Variants in BLOC1S6 observed in about 807,000 individuals in gnomAD.
BLOC1S6 encodes biogenesis of lysosome-related organelles complex 1 subunit 6.
Under a neutral mutation model 24.7 loss-of-function variants are expected in BLOC1S6, and 24 were observed. The ratio of observed to expected loss-of-function variants is 0.97; its 90% CI spans 0.70 to 1.37. The LOEUF (loss-of-function observed/expected upper bound fraction) is 1.37. Ranked by LOEUF, BLOC1S6 falls within the 40% of genes most tolerant of loss-of-function variation. The probability of loss-of-function intolerance (pLI) is 0.00; values close to 1 mark genes in which losing one functional copy is unlikely to be tolerated. For missense variants in BLOC1S6, 175 were observed against 196.2 expected (o/e 0.89, Z 0.64); for synonymous variants, 76 against 72.6 (o/e 1.05, Z -0.23).
intron 2 of BLOC1S6, among the ~76,000 whole-genome samples, chr15:45,596,355 A>G: frequency 6.6e-6 from 1 of 151,476 alleles, no homozygotes; most frequent in East Asian, 2.0e-4. Flanking sequence ...ACACCACCAC[A>G]CCTGGCTGAT....
chr15:45,597,489 TGA>T (rs925632942), intron 2 of BLOC1S6, among the ~76,000 whole-genome samples: 2 of 152,050 alleles, frequency 1.3e-5, no homozygotes, highest in Non-Finnish European at 2.9e-5. Flanking sequence ...CAACAACAGT[TGA>T]GTCTTTTAAT....
chr15:45,600,946 CTG>C (rs1264614264), intron 2 of BLOC1S6, among the ~76,000 whole-genome samples: 4 of 152,268 alleles, frequency 2.6e-5, no homozygotes, highest in African/African-American at 7.2e-5. Flanking sequence ...AGAGTTTTGA[CTG>C]TGACTTATCA....
At position 45,609,660 on chromosome 15, in the gene BLOC1S6, G is replaced by A. The variant is rs1894609507; in HGVS notation, c.*3146G>A. On this transcript the variant is annotated 3_prime_UTR_variant, in exon 5 of 5. Transcript: ENST00000220531. ...CATACATTCGTCTGATTTTGAGCTT[G>A]TAAGATGAGAACTGCTTTTTACACA... is the stretch of plus-strand genomic sequence containing the variant. 1 of 152,114 alleles carries A rather than the reference G, an allele frequency of 6.6e-6. No homozygotes were observed. The highest frequency in any genetic ancestry group is 2.1e-4 in the South Asian group (1 of 4,824). The allele number at this position is 152,114 out of a possible 1,614,324, so 9.4% of individuals were successfully genotyped here.
At chr15:45,604,983 G>T (rs1894398484) in intron 3 of BLOC1S6, among the ~76,000 whole-genome samples, 1 of 152,184 alleles carries the variant, frequency 6.6e-6, no homozygotes, top group African/African-American at 2.4e-5. Flanking sequence ...TCTGTCCAGG[G>T]CTCTGTGGCC....
chr15:45,602,052 TTG>T (rs548467728), intron 2 of BLOC1S6, among the ~76,000 whole-genome samples: 4 of 151,852 alleles, frequency 2.6e-5, no homozygotes, highest in South Asian at 2.1e-4. Context: ...AGCTCATTTT[TTG>T]TGTGTGTGTG....
rs1372050477 is a variant in BLOC1S6 at position 45,587,830 on chromosome 15, T to TG, written c.82+310dup. ...TTGGTTATTTGTCATACGGCAGTGG[T>TG]GGGGGATGGATTTACCAGAAAGATG... On this transcript the variant is annotated intron_variant, in intron 1 of 4. Transcript: ENST00000220531. 71 of 693,482 alleles carry TG rather than the reference T, an allele frequency of 1.0e-4. 1 individual carries two copies. The East Asian group carries it at 1.9e-3, about 19-fold the overall frequency. 43.0% of individuals were successfully genotyped at this position (693,482 alleles called of 1,614,324 possible). A position where few individuals can be genotyped will look rare whatever the true frequency, so the allele number is the denominator to read the frequency against.
intron 2 of BLOC1S6, among the ~76,000 whole-genome samples, chr15:45,596,794 A>G (rs1894094142): frequency 6.6e-6 from 1 of 151,538 alleles, no homozygotes; most frequent in Admixed American, 6.6e-5. Context: ...CTTGCACCTC[A>G]GCCTCCCAAG....
intron 1 of BLOC1S6, chr15:45,587,899 C>A: frequency 3.2e-6 from 2 of 624,582 alleles, no homozygotes; most frequent in Middle Eastern, 2.6e-4. Flanking sequence ...ATAATATTGA[C>A]CACTCATGAA....
At position 45,606,576 on chromosome 15, in the gene BLOC1S6, A is replaced by G; in HGVS notation, c.*62A>G. On this transcript the variant is annotated 3_prime_UTR_variant, in exon 5 of 5. Coordinates refer to ENST00000220531, the MANE Select transcript of BLOC1S6 (RefSeq NM_012388.4). Reference sequence around the variant, plus strand: ...ATTTGGGTTATGATGACTCAAGTGTAGACTGAAGTTGAGGTAGTGCCTTAT... The same window carrying G: ...ATTTGGGTTATGATGACTCAAGTGTGGACTGAAGTTGAGGTAGTGCCTTAT... 6.2e-7 allele frequency: 1 copy of G among 1,610,936 alleles called. No individual in the cohort carries two copies. Among genetic ancestry groups the G allele is most frequent in the South Asian group, 1.1e-5 (1 of 91,004 alleles).
intron 4 of BLOC1S6, chr15:45,605,875 C>T: frequency 3.5e-6 from 1 of 283,600 alleles, no homozygotes; most frequent in Non-Finnish European, 6.8e-6. Flanking sequence ...CAGGCGTGAG[C>T]CACTGTGCCC....
At chr15:45,589,202 T>A (rs1469313524) in intron 1 of BLOC1S6, among the ~76,000 whole-genome samples, 1 of 152,200 alleles carries the variant, frequency 6.6e-6, no homozygotes, top group Admixed American at 6.5e-5. Context: ...TATATGTTGG[T>A]ATGGAAAGAT....
At position 45,606,544 on chromosome 15, in the gene BLOC1S6, G is replaced by C. The variant is rs750850260; in HGVS notation, c.*30G>C. On this transcript the variant is annotated 3_prime_UTR_variant, in exon 5 of 5. Transcript: ENST00000220531. ...TTGTGTTTGTGTGTTTTCTTCTCCT[G>C]TCCCATATTTGGGTTATGATGACTC... 1 of 1,614,046 alleles carries C rather than the reference G, an allele frequency of 6.2e-7. No individual in the cohort carries two copies. Among genetic ancestry groups the C allele is most frequent in the African/African-American group, 1.3e-5 (1 of 75,016 alleles).
At chr15:45,604,165 T>G (rs1894364594) in intron 3 of BLOC1S6, among the ~76,000 whole-genome samples, 1 of 152,092 alleles carries the variant, frequency 6.6e-6, no homozygotes, top group African/African-American at 2.4e-5. Context: ...GGCGTGCAGT[T>G]TAAGACCAAC....
intron 2 of BLOC1S6, among the ~76,000 whole-genome samples, chr15:45,593,386 GAAAAAAA>G (rs59495378): frequency 1.9e-4 from 12 of 63,344 alleles, no homozygotes; most frequent in African/African-American, 4.3e-4. Context: ...CTCTGTCTCC[GAAAAAAA>G]AAAAAAAAAA....
chr15:45,597,464 G>A (rs1399796989), intron 2 of BLOC1S6, among the ~76,000 whole-genome samples: 2 of 152,176 alleles, frequency 1.3e-5, no homozygotes, highest in African/African-American at 4.8e-5. Context: ...GTGACAAAGT[G>A]AGACCCTATC....
intron 2 of BLOC1S6, among the ~76,000 whole-genome samples, chr15:45,593,713 C>A (rs1308415589): frequency 6.6e-6 from 1 of 152,138 alleles, no homozygotes; most frequent in Non-Finnish European, 1.5e-5. Flanking sequence ...CCCTACTTAT[C>A]TTCTTAGGCA....
At chr15:45,605,867 G>T in intron 4 of BLOC1S6, 1 of 291,996 alleles carries the variant, frequency 3.4e-6, no homozygotes. Context: ...TGAGATTACA[G>T]GCGTGAGCCA....
chr15:45,605,977 T>A (rs996122487), intron 4 of BLOC1S6, among the ~76,000 whole-genome samples: 1 of 152,232 alleles, frequency 6.6e-6, no homozygotes, highest in Non-Finnish European at 1.5e-5. Flanking sequence ...ATGTCATTGT[T>A]TAAGAAATAT....
In BLOC1S6 at chr15:45,608,887, A is replaced by G. The variant is rs1894576712; in HGVS notation, c.*2373A>G. 1 of 152,220 alleles carries G rather than the reference A, an allele frequency of 6.6e-6. No homozygotes were observed. Among genetic ancestry groups the G allele is most frequent in the Admixed American group, 6.5e-5 (1 of 15,280 alleles). The allele number at this position is 152,220 out of a possible 1,614,324, so 9.4% of individuals were successfully genotyped here. A position where few individuals can be genotyped will look rare whatever the true frequency, so the allele number is the denominator to read the frequency against. ...TAAATTCTGAGCTGCTGCTTTTGATATAGTCAGACTTAAGACTGAACCCCA... is the reference window on the plus strand; with the variant it reads ...TAAATTCTGAGCTGCTGCTTTTGATGTAGTCAGACTTAAGACTGAACCCCA... On this transcript the variant is annotated 3_prime_UTR_variant, in exon 5 of 5. Transcript: ENST00000220531.
Sources: gnomAD v4.1 joint callset for allele counts (sites outside exome capture counted in the v4.1 genomes callset) on GRCh38, gnomAD v4.1.1 for gene constraint, MANE v1.5 for transcripts, NCBI Gene and HGNC (gene_info 2026-07-23, HGNC 2026-07-21) for gene names.